The following PIAS2 variants were observed in gnomAD, a reference collection of about 807,000 sequenced individuals.
The protein encoded by PIAS2 is protein inhibitor of activated STAT 2.
PIAS2 carries 19 observed loss-of-function variants against 69.7 expected under a neutral mutation model. The observed-to-expected ratio is 0.27, with a 90% CI of 0.19 to 0.40. The LOEUF is 0.40. Among genes scored for constraint, PIAS2 ranks in the 10% least tolerant of loss-of-function variants. The probability of loss-of-function intolerance (pLI) is 1.00; values close to 1 mark genes in which losing one functional copy is unlikely to be tolerated. For synonymous variants in PIAS2, 261 were observed against 263.2 expected, an observed-to-expected ratio of 0.99 and a Z score of 0.08; for missense variants, 624 against 757.0, an observed-to-expected ratio of 0.82 and a Z score of 2.06.
chr18:46,904,149 T>A (rs936449772), intron 1 of PIAS2: 1 of 152,124 alleles, frequency 6.6e-6, no homozygotes, highest in Non-Finnish European at 1.5e-5. Flanking sequence ...ATATCTTGAT[T>A]GTGTTCATGT....
chr18:46,839,542 T>C (rs924132080), intron 8 of PIAS2, among the ~76,000 whole-genome samples: 1 of 152,182 alleles, frequency 6.6e-6, no homozygotes, highest in Admixed American at 6.5e-5. Context: ...TTTACAGTTA[T>C]CAGTTCTCAT....
At chr18:46,885,119 A>G (rs1192655375) in intron 2 of PIAS2, among the ~76,000 whole-genome samples, 1 of 152,214 alleles carries the variant, frequency 6.6e-6, no homozygotes, top group African/African-American at 2.4e-5. Context: ...TCAAGATACC[A>G]CAATTTTTCA....
chr18:46,847,264 A>G (rs1218762704), intron 5 of PIAS2, among the ~76,000 whole-genome samples: 3 of 152,236 alleles, frequency 2.0e-5, no homozygotes, highest in Non-Finnish European at 2.9e-5. Context: ...GAGGGGAAAG[A>G]AAGAACAAAC....
chr18:46,848,490 A>G (rs2046470915), intron 5 of PIAS2, among the ~76,000 whole-genome samples: 1 of 152,148 alleles, frequency 6.6e-6, no homozygotes, highest in Non-Finnish European at 1.5e-5. Flanking sequence ...GATTTCGGCA[A>G]TGCTAAAATA....
intron 2 of PIAS2, among the ~76,000 whole-genome samples, chr18:46,865,255 T>C (rs898345162): frequency 5.9e-5 from 9 of 152,006 alleles, no homozygotes; most frequent in Non-Finnish European, 1.3e-4. Context: ...AAAGGCAAAA[T>C]GAGGCCGGGC....
chr18:46,869,304 C>G (rs1203582921), intron 2 of PIAS2, among the ~76,000 whole-genome samples: 2 of 151,170 alleles, frequency 1.3e-5, no homozygotes. Context: ...ATATCTAATA[C>G]GAGGAGGGAC....
At chr18:46,861,506 T>C (rs1224691988) in intron 3 of PIAS2, among the ~76,000 whole-genome samples, 3 of 152,158 alleles carry the variant, frequency 2.0e-5, no homozygotes, top group African/African-American at 4.8e-5. Context: ...ACAGTAACTT[T>C]ACAGTGCAGA....
At chr18:46,886,592 C>G (rs898195995) in intron 2 of PIAS2, among the ~76,000 whole-genome samples, 1 of 152,170 alleles carries the variant, frequency 6.6e-6, no homozygotes, top group African/African-American at 2.4e-5. Context: ...AATCCCAGCA[C>G]TTTGGGAGGC....
chr18:46,915,960 T>C (rs2057809319), intron 1 of PIAS2, among the ~76,000 whole-genome samples: 1 of 152,154 alleles, frequency 6.6e-6, no homozygotes, highest in Admixed American at 6.6e-5. Flanking sequence ...TTTGAAAAGC[T>C]CCACAGGTGT....
intron 1 of PIAS2, chr18:46,891,733 G>A: frequency 1.8e-6 from 1 of 564,620 alleles, no homozygotes; most frequent in Non-Finnish European, 2.2e-6. Context: ...AAGGAAATGA[G>A]CAGTCATCAA....
rs562926904 is a variant in PIAS2, at chr18:46,830,327, G to A, written c.1203-460C>T. ...AGAAGTCTCAATAAATTTAAAATAA[G>A]TGTATTTGAATTAAGTTCAAATTAA... On this transcript the variant is annotated intron_variant, in intron 9 of 13. Transcript: ENST00000585916. Among the ~76,000 whole-genome samples the A allele has an allele frequency of 5.1e-4, 78 of 152,150 alleles. 1 individual carries two copies. The South Asian group carries it at 0.015, about 30-fold the overall frequency.
intron 9 of PIAS2, among the ~76,000 whole-genome samples, chr18:46,830,420 A>C (rs1304711731): frequency 6.6e-6 from 1 of 152,072 alleles, no homozygotes; most frequent in Non-Finnish European, 1.5e-5. Flanking sequence ...GATAAAAATA[A>C]GATTTTAAAC....
chr18:46,837,553 A>G (rs1219444067), intron 8 of PIAS2, among the ~76,000 whole-genome samples: 2 of 152,216 alleles, frequency 1.3e-5, no homozygotes, highest in African/African-American at 4.8e-5. Flanking sequence ...CACTCTTTAT[A>G]TAAGAAATCG....
In PIAS2 at chr18:46,906,505, T is replaced by A. The variant is rs141476103; in HGVS notation, c.24+10817A>T. ...TATACAAAGTCAAACTGTACTTCTG[T>A]GCACCAGCAAAGTATAATTATAAAA... On this transcript the variant is annotated intron_variant, in intron 1 of 13. Coordinates refer to ENST00000585916, the MANE Select transcript of PIAS2 (RefSeq NM_004671.5). Among the ~76,000 whole-genome samples the A allele has an allele frequency of 2.6e-5, 4 of 152,288 alleles. No individual in the cohort carries two copies. In the East Asian group the frequency reaches 5.8e-4, roughly 22 times the overall value.
At chr18:46,869,695 A>G (rs1252978499) in intron 2 of PIAS2, among the ~76,000 whole-genome samples, 1 of 152,224 alleles carries the variant, frequency 6.6e-6, no homozygotes, top group Non-Finnish European at 1.5e-5. Context: ...GACTAAACAT[A>G]ATAAAAAACA....
At chr18:46,824,402 C>G (rs1459233951) in intron 11 of PIAS2, among the ~76,000 whole-genome samples, 1 of 152,010 alleles carries the variant, frequency 6.6e-6, no homozygotes, top group Non-Finnish European at 1.5e-5. Flanking sequence ...TTTAGAATAC[C>G]TTCTTATTAA....
intron 10 of PIAS2, among the ~76,000 whole-genome samples, chr18:46,829,416 A>G (rs544124106): frequency 9.2e-5 from 14 of 152,210 alleles, no homozygotes; most frequent in Non-Finnish European, 1.5e-5. Flanking sequence ...ATACTCTAAG[A>G]ACAATTCTGA....
chr18:46,862,052 C>A (rs992198192), intron 3 of PIAS2, among the ~76,000 whole-genome samples: 19 of 152,038 alleles, frequency 1.2e-4, no homozygotes, highest in African/African-American at 7.3e-5. Context: ...AGTTTTTATG[C>A]CGGGCATGGT....
At chr18:46,898,411 T>C (rs1395096796) in intron 1 of PIAS2, among the ~76,000 whole-genome samples, 2 of 152,216 alleles carry the variant, frequency 1.3e-5, no homozygotes, top group Admixed American at 6.5e-5. Context: ...CCCAAAGTGC[T>C]GGGATTACAG....
Sources: allele counts gnomAD v4.1 joint callset (sites outside exome capture counted in the v4.1 genomes callset), GRCh38; gene constraint gnomAD v4.1.1; transcripts MANE v1.5; gene names NCBI Gene and HGNC (gene_info 2026-07-23, HGNC 2026-07-21).